PLCL1: variants seen among roughly 807,000 people sequenced by gnomAD.
PLCL1 encodes phospholipase C like 1 (inactive).
In PLCL1, 41 loss-of-function variants were observed where a neutral mutation model predicts 84.4. The observed-to-expected ratio is 0.49, with a 90% CI of 0.38 to 0.63. PLCL1 has a LOEUF of 0.63. PLCL1 is among the 30% of genes least tolerant of loss of function. PLCL1 has a pLI of 0.00. For missense variants in PLCL1, 1,206 were observed against 1,367.8 expected (o/e 0.88, Z 1.87); for synonymous variants, 490 against 488.3 (o/e 1.00, Z -0.05).
chr2:197,858,347 T>TGAGGCTTAGC lies in PLCL1; in HGVS notation c.240+53011_240+53020dup, dbSNP rs1265280409. On this transcript the variant is annotated intron_variant, in intron 1 of 5. Transcript: ENST00000428675. ...TGAAGTATATTTCCTGTGAAGTTAATGAGGCTTAGCGAATCAAGCCCTCCA... is the reference window on the plus strand; with the variant it reads ...TGAAGTATATTTCCTGTGAAGTTAATGAGGCTTAGCGAGGCTTAGCGAATCAAGCCCTCCA... Among the ~76,000 whole-genome samples the TGAGGCTTAGC allele has an allele frequency of 2.0e-5, 3 of 152,226 alleles. No individual in the cohort carries two copies. In the East Asian group the frequency reaches 5.8e-4, roughly 29 times the overall value.
At chr2:198,002,051 T>C in intron 1 of PLCL1, 1 of 373,162 alleles carries the variant, frequency 2.7e-6, no homozygotes, top group Non-Finnish European at 5.4e-6. Context: ...AATGTAATAA[T>C]AATAAAAATA....
intron 5 of PLCL1, among the ~76,000 whole-genome samples, chr2:198,115,335 G>A (rs1693719155): frequency 6.6e-6 from 1 of 151,808 alleles, no homozygotes; most frequent in Non-Finnish European, 1.5e-5. Flanking sequence ...AGTCATTTAT[G>A]AGGCAAGAAA....
intron 5 of PLCL1, among the ~76,000 whole-genome samples, chr2:198,112,381 T>TA: frequency 6.6e-6 from 1 of 151,934 alleles, no homozygotes; most frequent in South Asian, 2.1e-4. Context: ...CCTCCTCTTG[T>TA]TTCTCTTGGA....
intron 1 of PLCL1, among the ~76,000 whole-genome samples, chr2:197,988,139 G>C (rs1177545559): frequency 6.6e-6 from 1 of 152,194 alleles, no homozygotes; most frequent in Non-Finnish European, 1.5e-5. Context: ...AGCTGAGTGA[G>C]AATAGGCAGT....
chr2:198,084,096 C>G lies in PLCL1; in HGVS notation c.579C>G (p.Leu193=). 6.2e-7 allele frequency: 1 copy of G among 1,614,086 alleles called. No individual in the cohort carries two copies. The highest frequency in any genetic ancestry group is 8.5e-7 in the Non-Finnish European group (1 of 1,179,936). Residue 193 remains leucine (L), a synonymous_variant, in exon 2 of 6, where the codon CTC becomes CTG. Transcript: ENST00000428675. ...QICEDCAFSI[L]HGENYESLDL... ...GTGAGGACTGTGCCTTTTCCATACTCCACGGGGAAAACTATGAGTCTCTGG... is the reference window on the plus strand; with the variant it reads ...GTGAGGACTGTGCCTTTTCCATACTGCACGGGGAAAACTATGAGTCTCTGG...
At chr2:198,110,721 C>G (rs1693598332) in intron 5 of PLCL1, among the ~76,000 whole-genome samples, 1 of 151,856 alleles carries the variant, frequency 6.6e-6, no homozygotes, top group Middle Eastern at 3.4e-3. Context: ...TGTGAATGTT[C>G]AAACCAGGCT....
intron 1 of PLCL1, among the ~76,000 whole-genome samples, chr2:197,818,452 C>A (rs1215336937): frequency 2.6e-5 from 4 of 152,054 alleles, no homozygotes; most frequent in Non-Finnish European, 5.9e-5. Context: ...CTGAAGACAG[C>A]CTATTCCTTC....
intron 1 of PLCL1, among the ~76,000 whole-genome samples, chr2:197,886,182 C>A (rs1394019508): frequency 1.3e-5 from 2 of 151,922 alleles, no homozygotes; most frequent in Non-Finnish European, 2.9e-5. Flanking sequence ...GAGGCTGAGG[C>A]GGGCGGATCA....
intron 1 of PLCL1, among the ~76,000 whole-genome samples, chr2:197,935,978 T>A (rs1315301804): frequency 6.6e-6 from 1 of 152,196 alleles, no homozygotes; most frequent in African/African-American, 2.4e-5. Context: ...AGATTCCACA[T>A]ATAAGTGAGA....
chr2:197,883,951 G>A (rs1200209747), intron 1 of PLCL1, among the ~76,000 whole-genome samples: 4 of 152,110 alleles, frequency 2.6e-5, no homozygotes, highest in Non-Finnish European at 5.9e-5. Flanking sequence ...AACAAAACAC[G>A]AACTTTGGAG....
chr2:198,102,222 T>A (rs1693358433), intron 4 of PLCL1, among the ~76,000 whole-genome samples: 1 of 152,052 alleles, frequency 6.6e-6, no homozygotes, highest in Non-Finnish European at 1.5e-5. Context: ...TAATACCTGA[T>A]ACTTACATGA....
At chr2:198,072,219 T>C (rs1692480608) in intron 1 of PLCL1, among the ~76,000 whole-genome samples, 1 of 151,908 alleles carries the variant, frequency 6.6e-6, no homozygotes, top group Non-Finnish European at 1.5e-5. Context: ...TTGTTTATAA[T>C]CTTAATTACT....
chr2:198,046,830 C>A (rs1691814785), intron 1 of PLCL1, among the ~76,000 whole-genome samples: 1 of 152,130 alleles, frequency 6.6e-6, no homozygotes. Context: ...CAGAGTGAGA[C>A]CTTTTCTTTA....
intron 1 of PLCL1, among the ~76,000 whole-genome samples, chr2:197,849,107 CA>C (rs5837562): frequency 0.2 from 29,694 of 152,108 alleles, 2,956 homozygotes; most frequent in East Asian, 0.27. Flanking sequence ...AAGGTGGAGA[CA>C]AACATGACAT....
chr2:198,075,446 C>T (rs538588587), intron 1 of PLCL1, among the ~76,000 whole-genome samples: 28 of 152,176 alleles, frequency 1.8e-4, no homozygotes, highest in Non-Finnish European at 3.1e-4. Context: ...AACAAAACTA[C>T]GCATTGCATG....
chr2:198,120,245 G>T (rs1288780079), intron 5 of PLCL1, among the ~76,000 whole-genome samples: 1 of 151,952 alleles, frequency 6.6e-6, no homozygotes, highest in Non-Finnish European at 1.5e-5. Context: ...TTTTGGTACA[G>T]ACATGCAATG....
At chr2:197,999,995 C>A (rs1415780095) in intron 1 of PLCL1, among the ~76,000 whole-genome samples, 1 of 152,142 alleles carries the variant, frequency 6.6e-6, no homozygotes, top group African/African-American at 2.4e-5. Flanking sequence ...TCCTGCAAAT[C>A]ATTAAATATA....
At chr2:198,017,721 A>G (rs1255381749) in intron 1 of PLCL1, among the ~76,000 whole-genome samples, 1 of 152,242 alleles carries the variant, frequency 6.6e-6, no homozygotes, top group Non-Finnish European at 1.5e-5. Context: ...TAGTAATAAC[A>G]TAGTTATCCA....
intron 1 of PLCL1, among the ~76,000 whole-genome samples, chr2:197,850,776 GA>G (rs1320368861): frequency 6.6e-6 from 1 of 152,072 alleles, no homozygotes; most frequent in Non-Finnish European, 1.5e-5. Context: ...TCAAGCTGGA[GA>G]CATTTGAGAT....
Sources: gnomAD v4.1 joint callset for allele counts (sites outside exome capture counted in the v4.1 genomes callset) on GRCh38, gnomAD v4.1.1 for gene constraint, MANE v1.5 for transcripts, NCBI Gene and HGNC (gene_info 2026-07-23, HGNC 2026-07-21) for gene names.